Variants in ZNF69 observed in about 807,000 individuals in gnomAD.
The protein encoded by ZNF69 is ZNF3.
A neutral mutation model predicts 50.9 loss-of-function variants in ZNF69; 47 were observed. The ratio of observed to expected loss-of-function variants is 0.92; its 90% CI spans 0.73 to 1.18. The LOEUF (loss-of-function observed/expected upper bound fraction) is 1.18. Among genes scored for constraint, ZNF69 ranks in the 50% most tolerant of loss-of-function variants. ZNF69 has a pLI of 0.00. For missense variants in ZNF69, 717 were observed against 675.1 expected (o/e 1.06, Z -0.69); for synonymous variants, 216 against 223.1 (o/e 0.97, Z 0.29).
At chr19:11,924,421 G>A in the ZNF69 span, among the ~76,000 whole-genome samples, 2 of 123,752 alleles carry the variant, frequency 1.6e-5, no homozygotes, top group African/African-American at 6.8e-5. Flanking sequence ...TACAGAGCAA[G>A]ACTCCGTCTC....
intron 1 of ZNF69, among the ~76,000 whole-genome samples, chr19:11,902,568 T>C (rs1363136177): frequency 6.6e-6 from 1 of 151,452 alleles, no homozygotes; most frequent in Non-Finnish European, 1.5e-5. Context: ...AACTGCAAAA[T>C]GAATGATTCC....
At chr19:11,935,635 T>A in the ZNF69 span, among the ~76,000 whole-genome samples, 106 of 152,302 alleles carry the variant, frequency 7.0e-4, no homozygotes, top group African/African-American at 2.6e-3. Context: ...TCTGCAATTA[T>A]TTTGTCCCAG....
chr19:11,921,102 A>G, the ZNF69 span, among the ~76,000 whole-genome samples: 1 of 152,188 alleles, frequency 6.6e-6, no homozygotes, highest in East Asian at 1.9e-4. Flanking sequence ...ATTGGTCTCA[A>G]ACATTGGACT....
downstream of ZNF69, among the ~76,000 whole-genome samples, chr19:11,914,612 T>G (rs1356315246): frequency 6.6e-6 from 1 of 152,228 alleles, no homozygotes; most frequent in Non-Finnish European, 1.5e-5. Context: ...AGCCTGCTTA[T>G]CTCAGCAGTG....
At chr19:11,891,386 A>G (rs893319380) in intron 1 of ZNF69, among the ~76,000 whole-genome samples, 2 of 151,624 alleles carry the variant, frequency 1.3e-5, no homozygotes, top group East Asian at 3.9e-4. Flanking sequence ...AAAAAAAAAA[A>G]AAAGAAAAGA....
At chr19:11,977,133 G>A in the ZNF69 span, 2 of 1,614,032 alleles carry the variant, frequency 1.2e-6, no homozygotes, top group African/African-American at 2.7e-5. Flanking sequence ...GGGAAGTGAT[G>A]CTGGAAACTT....
the ZNF69 span, chr19:11,956,759 G>A: frequency 2.6e-6 from 1 of 380,852 alleles, no homozygotes. Context: ...GGGAGGCTGA[G>A]GCATGAGAAC....
At chr19:11,979,229 G>C in the ZNF69 span, 11 of 1,611,572 alleles carry the variant, frequency 6.8e-6, no homozygotes, top group Non-Finnish European at 8.5e-6. Flanking sequence ...AATCTTTCCA[G>C]TTCCTTTCAG....
At chr19:11,945,143 G>C in the ZNF69 span, among the ~76,000 whole-genome samples, 1 of 152,152 alleles carries the variant, frequency 6.6e-6, no homozygotes, top group Non-Finnish European at 1.5e-5. Flanking sequence ...GGTAGCCCCA[G>C]GGCTGGGACT....
chr19:11,936,109 G>T, the ZNF69 span, among the ~76,000 whole-genome samples: 1 of 152,234 alleles, frequency 6.6e-6, no homozygotes, highest in East Asian at 1.9e-4. Flanking sequence ...GTCTATCATT[G>T]GTGGACATTT....
At chr19:11,979,141 G>A in the ZNF69 span, 5 of 1,609,986 alleles carry the variant, frequency 3.1e-6, no homozygotes, top group African/African-American at 6.8e-5. Context: ...CCTTTATTCT[G>A]CCAAGTCATT....
chr19:11,903,987 A>C (rs778936911), intron 3 of ZNF69, 22 bp downstream of exon 3: 1 of 1,609,234 alleles, frequency 6.2e-7, no homozygotes, highest in South Asian at 1.1e-5. Flanking sequence ...TTACAAGACA[A>C]AGCAGTGTCT....
the ZNF69 span, among the ~76,000 whole-genome samples, chr19:11,937,305 G>A: frequency 6.6e-6 from 1 of 151,966 alleles, no homozygotes; most frequent in Non-Finnish European, 1.5e-5. Flanking sequence ...TAATCCAGGT[G>A]TTTCAGTACC....
intron 4 of ZNF69, among the ~76,000 whole-genome samples, chr19:11,911,821 A>G (rs1235580589): frequency 6.6e-6 from 1 of 152,154 alleles, no homozygotes; most frequent in East Asian, 1.9e-4. Context: ...AAGTATAATA[A>G]TAATAATAAT....
At chr19:11,978,615 A>T in the ZNF69 span, 1 of 1,614,208 alleles carries the variant, frequency 6.2e-7, no homozygotes, top group Non-Finnish European at 8.5e-7. Context: ...GTATGAATGT[A>T]AACAATGTGT....
chr19:11,932,931 C>T, the ZNF69 span, among the ~76,000 whole-genome samples: 1 of 148,334 alleles, frequency 6.7e-6, no homozygotes, highest in Admixed American at 6.6e-5. Flanking sequence ...GCCACTGCAC[C>T]CGGCCAATAT....
chr19:11,947,500 T>G, the ZNF69 span: 1 of 1,611,706 alleles, frequency 6.2e-7, no homozygotes, highest in Admixed American at 1.7e-5. Flanking sequence ...TATTTTTCTG[T>G]GTCTGTATTT....
chr19:11,935,882 G>A, the ZNF69 span, among the ~76,000 whole-genome samples: 5 of 152,058 alleles, frequency 3.3e-5, no homozygotes, highest in East Asian at 1.9e-4. Flanking sequence ...GACAGGCCCC[G>A]GTGTGTGATG....
At chr19:11,922,473 A>T in the ZNF69 span, among the ~76,000 whole-genome samples, 3 of 152,198 alleles carry the variant, frequency 2.0e-5, no homozygotes, top group Non-Finnish European at 4.4e-5. Flanking sequence ...TCCTCAGTTT[A>T]CCACAACAAT....
Sources: allele counts gnomAD v4.1 joint callset (sites outside exome capture counted in the v4.1 genomes callset), GRCh38; gene constraint gnomAD v4.1.1; transcripts MANE v1.5; gene names NCBI Gene and HGNC (gene_info 2026-07-23, HGNC 2026-07-21).